The following SLC8A3 variants were observed in gnomAD, a reference collection of about 807,000 sequenced individuals.
SLC8A3 encodes the protein solute carrier family 8 member A3.
In SLC8A3, 37 loss-of-function variants were observed where a neutral mutation model predicts 65.4. That is an observed-to-expected ratio of 0.57 (90% CI 0.44 to 0.74). The LOEUF is 0.74. Among genes scored for constraint, SLC8A3 ranks in the 30% least tolerant of loss-of-function variants. The pLI, the probability that SLC8A3 is intolerant of heterozygous loss-of-function variation, is 0.00. For missense variants in SLC8A3, 1,112 were observed against 1,172.1 expected (o/e 0.95, Z 0.75); for synonymous variants, 461 against 444.5 (o/e 1.04, Z -0.47).
At chr14:70,157,621 A>G (rs1440869454) in intron 2 of SLC8A3, among the ~76,000 whole-genome samples, 2 of 152,202 alleles carry the variant, frequency 1.3e-5, no homozygotes, top group Non-Finnish European at 2.9e-5. Context: ...CATAGAGAGA[A>G]GCAGAGATGC....
Position 70,152,661 on chromosome 14 carries a change from G to T in SLC8A3, c.1784+13978C>A, listed in dbSNP as rs914527090. ...AAATCCTGGGCAGACAGATCTGTAT[G>T]GCAAAGAGCAGTGCAGGACCAAGAG... On this transcript the variant is annotated intron_variant, in intron 2 of 6. Coordinates refer to ENST00000356921, the MANE Select transcript of SLC8A3 (RefSeq NM_182932.3). Among the ~76,000 whole-genome samples, 3 of 152,176 alleles carry T rather than the reference G, an allele frequency of 2.0e-5. No homozygotes were observed. In the South Asian group the frequency reaches 6.2e-4, roughly 32 times the overall value.
At chr14:70,087,613 T>C (rs984492565) in intron 2 of SLC8A3, among the ~76,000 whole-genome samples, 3 of 152,226 alleles carry the variant, frequency 2.0e-5, no homozygotes, top group Non-Finnish European at 4.4e-5. Flanking sequence ...ATTTTCTGAA[T>C]GTACAGAAAA....
chr14:70,059,308 G>A (rs1030440583), intron 3 of SLC8A3: 4 of 152,196 alleles, frequency 2.6e-5, no homozygotes, highest in Non-Finnish European at 5.9e-5. Context: ...TCTTAGCTCT[G>A]TCCTCGTGTG....
chr14:70,127,976 G>A (rs574807817), intron 2 of SLC8A3, among the ~76,000 whole-genome samples: 6 of 152,154 alleles, frequency 3.9e-5, no homozygotes, highest in Non-Finnish European at 2.9e-5. Context: ...TAGGATTGCC[G>A]AGATCATTTT....
chr14:70,049,424 G>C (rs1420793468), intron 5 of SLC8A3, among the ~76,000 whole-genome samples: 1 of 152,178 alleles, frequency 6.6e-6, no homozygotes, highest in African/African-American at 2.4e-5. Context: ...ATAAGTGGGA[G>C]TTGAACAATG....
rs75425019 is a variant in SLC8A3 at position 70,188,886 on chromosome 14, G to A, written c.-570C>T. ...TGGGCTGGGAGCGCGCCGGGTCTCC[G>A]CCTTGCACGCTGTCACCGCGGGAGA... On this transcript the variant is annotated 5_prime_UTR_variant, in exon 1 of 7. Transcript: ENST00000356921. 11,233 of 152,092 alleles carry A rather than the reference G, an allele frequency of 0.074. 623 individuals carry two copies. Among genetic ancestry groups the A allele is most frequent in the Non-Finnish European group, 0.11 (7,440 of 67,958 alleles). 9.4% of individuals were successfully genotyped at this position (152,092 alleles called of 1,614,324 possible).
chr14:70,117,722 T>G (rs557553176), intron 2 of SLC8A3, among the ~76,000 whole-genome samples: 120 of 152,298 alleles, frequency 7.9e-4, no homozygotes, highest in Middle Eastern at 3.4e-3. Context: ...CGTGCACCTT[T>G]CATATACAGA....
chr14:70,046,380 G>C lies in SLC8A3; in HGVS notation c.2390-57C>G. The C allele has an allele frequency of 6.6e-7, 1 of 1,518,496 alleles. No homozygotes were observed. Among genetic ancestry groups the C allele is most frequent in the South Asian group, 1.3e-5 (1 of 77,564 alleles). 94.1% of individuals were successfully genotyped at this position (1,518,496 alleles called of 1,614,324 possible). On this transcript the variant is annotated intron_variant, in intron 6 of 6. Coordinates refer to ENST00000356921, the MANE Select transcript of SLC8A3 (RefSeq NM_182932.3). The surrounding 1 kb of genome is among the most constrained non-coding windows in gnomAD (Gnocchi z 4.2). Reference sequence around the variant, plus strand: ...TAGGAGGCTAAGGTGTGCAGGGCTTGTCTTCCAGTATGCCCAAAAAGCAGC... The same window carrying C: ...TAGGAGGCTAAGGTGTGCAGGGCTTCTCTTCCAGTATGCCCAAAAAGCAGC...
At chr14:70,152,830 A>G (rs1301674158) in intron 2 of SLC8A3, among the ~76,000 whole-genome samples, 3 of 152,238 alleles carry the variant, frequency 2.0e-5, no homozygotes, top group African/African-American at 7.2e-5. Context: ...GCAGCTGAGC[A>G]GGGCAACTCC....
intron 2 of SLC8A3, among the ~76,000 whole-genome samples, chr14:70,125,446 G>A (rs1316758682): frequency 6.6e-6 from 1 of 152,042 alleles, no homozygotes; most frequent in Non-Finnish European, 1.5e-5. Context: ...CTGTTTCTGA[G>A]TTGCTTCACT....
At chr14:70,113,405 A>G (rs1893443759) in intron 2 of SLC8A3, among the ~76,000 whole-genome samples, 1 of 152,190 alleles carries the variant, frequency 6.6e-6, no homozygotes, top group Non-Finnish European at 1.5e-5. Context: ...ATAATCTTAA[A>G]GGACTACTGT....
intron 2 of SLC8A3, among the ~76,000 whole-genome samples, chr14:70,148,709 T>C (rs1896087185): frequency 6.6e-6 from 1 of 152,208 alleles, no homozygotes; most frequent in African/African-American, 2.4e-5. Flanking sequence ...ATATTTTTGA[T>C]GTACACAAAC....
chr14:70,185,948 G>A (rs568137363), intron 1 of SLC8A3, among the ~76,000 whole-genome samples: 21 of 152,304 alleles, frequency 1.4e-4, no homozygotes, highest in African/African-American at 4.6e-4. Flanking sequence ...ATGGCTAACC[G>A]AATGAATAAA....
In SLC8A3 at chr14:70,057,895, A is replaced by AGAGG. The variant is rs542945119; in HGVS notation, c.1888+2940_1888+2941insCCTC. ...AACAGGCCCCATTCTTCAGAGAGAG[A>AGAGG]GAGAGAGACAGAGAGCTTTCCTTTC... On this transcript the variant is annotated intron_variant, in intron 3 of 6. Transcript: ENST00000356921. Among the ~76,000 whole-genome samples, 28 of 152,272 alleles carry AGAGG rather than the reference A, an allele frequency of 1.8e-4. No homozygotes were observed. The East Asian group carries it at 5.4e-3, about 29-fold the overall frequency.
chr14:70,046,429 G>T lies in SLC8A3; in HGVS notation c.2390-106C>A. On this transcript the variant is annotated intron_variant, in intron 6 of 6. Coordinates refer to ENST00000356921, the MANE Select transcript of SLC8A3 (RefSeq NM_182932.3). The surrounding 1 kb of genome is among the most constrained non-coding windows in gnomAD (Gnocchi z 4.2). ...GCTTGAGCTGGTGGGCTGAACCCAG[G>T]AATGAGAGACAAGGGCTAGGGGGCC... 1 of 1,206,482 alleles carries T rather than the reference G, an allele frequency of 8.3e-7. No individual in the cohort carries two copies. The highest frequency in any genetic ancestry group is 1.1e-6 in the Non-Finnish European group (1 of 871,946). 74.7% of individuals were successfully genotyped at this position (1,206,482 alleles called of 1,614,324 possible). A position where few individuals can be genotyped will look rare whatever the true frequency, so the allele number is the denominator to read the frequency against.
At chr14:70,116,142 T>A (rs978027521) in intron 2 of SLC8A3, among the ~76,000 whole-genome samples, 1 of 152,098 alleles carries the variant, frequency 6.6e-6, no homozygotes, top group Non-Finnish European at 1.5e-5. Context: ...GGTCATAGAC[T>A]TTGAACTTGG....
At position 70,120,384 on chromosome 14, in the gene SLC8A3, G is replaced by A. The variant is rs560254872; in HGVS notation, c.1784+46255C>T. Among the ~76,000 whole-genome samples the A allele has an allele frequency of 5.9e-5, 9 of 152,302 alleles. 1 individual carries two copies. The highest frequency in any genetic ancestry group is 2.2e-4 in the African/African-American group (9 of 41,566). On this transcript the variant is annotated intron_variant, in intron 2 of 6. Transcript: ENST00000356921. ...ACTTCTGAGTTTGAAGGTGGGAAAG[G>A]TGTGCATTTGCCCATCCTACTTACA...
At chr14:70,079,793 A>C (rs1890883830) in intron 2 of SLC8A3, among the ~76,000 whole-genome samples, 1 of 152,254 alleles carries the variant, frequency 6.6e-6, no homozygotes, top group South Asian at 2.1e-4. Flanking sequence ...CTCTGGGCTC[A>C]GAATTTTTAT....
At chr14:70,051,843 G>A (rs1364225147) in intron 4 of SLC8A3, 147 bp downstream of exon 4, 3 of 620,558 alleles carry the variant, frequency 4.8e-6, no homozygotes, top group Middle Eastern at 3.6e-4. Flanking sequence ...TGTTACAAAT[G>A]GGGAAACTGA....
Sources: allele counts gnomAD v4.1 joint callset (sites outside exome capture counted in the v4.1 genomes callset), GRCh38; gene constraint gnomAD v4.1.1; non-coding constraint Gnocchi (gnomAD v3.1); transcripts MANE v1.5; gene names NCBI Gene and HGNC (gene_info 2026-07-23, HGNC 2026-07-21).